PTPRD: variants seen among roughly 807,000 people sequenced by gnomAD.
PTPRD encodes protein tyrosine phosphatase receptor type D, also known as receptor-type tyrosine-protein phosphatase delta.
PTPRD carries 34 observed loss-of-function variants against 214.5 expected under a neutral mutation model. That is an observed-to-expected ratio of 0.16 (90% CI 0.12 to 0.21). The LOEUF (loss-of-function observed/expected upper bound fraction) is 0.21. Among genes scored for constraint, PTPRD ranks in the 10% least tolerant of loss-of-function variants. The pLI is 1.00. For synonymous variants in PTPRD, 1,128 were observed against 845.7 expected (o/e 1.33, Z -5.79); for missense variants, 2,545 against 2,398.7 (o/e 1.06, Z -1.27).
rs562214485 is a variant in PTPRD, at chr9:9,796,618, C to G, written c.-367-29767G>C. Among the ~76,000 whole-genome samples, 8 of 151,854 alleles carry G rather than the reference C, an allele frequency of 5.3e-5. No individual in the cohort carries two copies. In the South Asian group the frequency reaches 1.7e-3, roughly 32 times the overall value. On this transcript the variant is annotated intron_variant, in intron 5 of 45. Transcript: ENST00000381196. ...TAAATGTGTGGAGTAAAATGAGGAA[C>G]CAAAGCACATAAAAGAAGAAAAAAC...
In PTPRD at chr9:8,834,688, G is replaced by A. The variant is rs117291959; in HGVS notation, c.-103-100742C>T. Among the ~76,000 whole-genome samples, 3 of 152,302 alleles carry A rather than the reference G, an allele frequency of 2.0e-5. No individual in the cohort carries two copies. The East Asian group carries it at 5.8e-4, about 29-fold the overall frequency. On this transcript the variant is annotated intron_variant, in intron 11 of 45. Coordinates refer to ENST00000381196, the MANE Select transcript of PTPRD (RefSeq NM_002839.4). The stretch of plus-strand genomic sequence containing the variant: ...TTCCTATTTCAGAGACAAAGAAAGT[G>A]AGGATCAAGGAGACCACACATCAGG...
At chr9:10,561,644 T>C (rs982414630) in intron 2 of PTPRD, among the ~76,000 whole-genome samples, 2 of 152,112 alleles carry the variant, frequency 1.3e-5, no homozygotes, top group African/African-American at 2.4e-5. Context: ...CAAAGTGCAA[T>C]AGACAGAGAA....
chr9:9,210,066 C>G (rs767937950), intron 9 of PTPRD, among the ~76,000 whole-genome samples: 30 of 152,134 alleles, frequency 2.0e-4, no homozygotes, highest in Non-Finnish European at 2.2e-4. Context: ...TTTGCCCCAG[C>G]GGAAAATGTT....
chr9:8,927,254 G>C (rs1240597159), intron 11 of PTPRD, among the ~76,000 whole-genome samples: 1 of 151,686 alleles, frequency 6.6e-6, no homozygotes, highest in Non-Finnish European at 1.5e-5. Flanking sequence ...TTAAGTTCTG[G>C]GATACATGTG....
chr9:9,916,174 A>G (rs1384667751), intron 5 of PTPRD, among the ~76,000 whole-genome samples: 1 of 152,030 alleles, frequency 6.6e-6, no homozygotes, highest in Non-Finnish European at 1.5e-5. Context: ...TTTCTCAGAC[A>G]AGCAAAACTA....
At chr9:8,659,179 C>T (rs759653561) in intron 12 of PTPRD, among the ~76,000 whole-genome samples, 1 of 152,134 alleles carries the variant, frequency 6.6e-6, no homozygotes, top group Non-Finnish European at 1.5e-5. Flanking sequence ...AGATGCATAT[C>T]CACATTTTTG....
At chr9:9,836,476 C>G (rs181815990) in intron 5 of PTPRD, among the ~76,000 whole-genome samples, 17 of 152,238 alleles carry the variant, frequency 1.1e-4, no homozygotes, top group Admixed American at 1.0e-3. Context: ...CTTACCAAAT[C>G]TCGCCTGACT....
chr9:9,554,767 G>A (rs1236088162), intron 8 of PTPRD, among the ~76,000 whole-genome samples: 4 of 151,988 alleles, frequency 2.6e-5, no homozygotes, highest in Admixed American at 6.6e-5. Flanking sequence ...TCTTAACTAC[G>A]CAGGAAACTT....
chr9:10,165,588 A>C (rs1441226373), intron 3 of PTPRD, among the ~76,000 whole-genome samples: 1 of 151,812 alleles, frequency 6.6e-6, no homozygotes, highest in African/African-American at 2.4e-5. Context: ...AAATAGTAAA[A>C]TATTAATGTT....
chr9:10,232,023 T>TGC (rs2099613161), intron 3 of PTPRD, among the ~76,000 whole-genome samples: 1 of 150,026 alleles, frequency 6.7e-6, no homozygotes, highest in Non-Finnish European at 1.5e-5. Context: ...TGTGTGTGTG[T>TGC]GTGTGAGGTG....
chr9:8,769,966 G>A (rs2095071778), intron 11 of PTPRD, among the ~76,000 whole-genome samples: 1 of 152,154 alleles, frequency 6.6e-6, no homozygotes, highest in Admixed American at 6.5e-5. Flanking sequence ...TGCTAAGACA[G>A]CTATGAGTGA....
intron 2 of PTPRD, among the ~76,000 whole-genome samples, chr9:10,567,040 C>T (rs1474792182): frequency 2.6e-5 from 4 of 152,044 alleles, no homozygotes; most frequent in East Asian, 1.9e-4. Context: ...CCCTATGGTA[C>T]GTGACTCTCC....
At chr9:9,517,712 C>G (rs995802618) in intron 8 of PTPRD, among the ~76,000 whole-genome samples, 2 of 151,924 alleles carry the variant, frequency 1.3e-5, no homozygotes, top group African/African-American at 2.4e-5. Flanking sequence ...ATTTCTTTTT[C>G]TCTTGGAATT....
chr9:8,652,888 G>C (rs1360975413), intron 12 of PTPRD, among the ~76,000 whole-genome samples: 2 of 152,210 alleles, frequency 1.3e-5, no homozygotes, highest in Non-Finnish European at 2.9e-5. Flanking sequence ...GGGGTCTGCA[G>C]GTTATTGTGA....
chr9:9,884,006 T>C (rs548837219), intron 5 of PTPRD, among the ~76,000 whole-genome samples: 4 of 152,262 alleles, frequency 2.6e-5, no homozygotes, highest in Non-Finnish European at 2.9e-5. Context: ...CTTTGTTTTA[T>C]CCCTTAGTAC....
intron 8 of PTPRD, among the ~76,000 whole-genome samples, chr9:9,533,062 T>C (rs2038963): frequency 0.18 from 27,342 of 152,096 alleles, 2,707 homozygotes; most frequent in Middle Eastern, 0.22. Flanking sequence ...AACTCTGGCA[T>C]GTGTATATAA....
At position 9,400,980 on chromosome 9, in the gene PTPRD, T is replaced by C. The variant is rs146625529; in HGVS notation, c.-236-3498A>G. ...TTGAATGCAGGAACAGAATACTAAG[T>C]TGGATATTGTCCCAATATTGTGATC... On this transcript the variant is annotated intron_variant, in intron 8 of 45. Coordinates refer to ENST00000381196, the MANE Select transcript of PTPRD (RefSeq NM_002839.4). Among the ~76,000 whole-genome samples the C allele has an allele frequency of 2.1e-3, 316 of 152,148 alleles. 1 individual carries two copies. Among genetic ancestry groups the C allele is most frequent in the African/African-American group, 7.3e-3 (302 of 41,544 alleles).
At chr9:8,711,781 T>G (rs903974433) in intron 12 of PTPRD, among the ~76,000 whole-genome samples, 1 of 152,206 alleles carries the variant, frequency 6.6e-6, no homozygotes, top group Non-Finnish European at 1.5e-5. Context: ...TCCCAGCCCA[T>G]AAATGTTTAT....
At position 10,543,924 on chromosome 9, in the gene PTPRD, G is replaced by A. The variant is rs561873692; in HGVS notation, c.-600+68474C>T. 6.6e-4 allele frequency among the ~76,000 whole-genome samples: 101 copies of A among 152,274 alleles called. 2 individuals are homozygous for A. The highest frequency in any genetic ancestry group is 4.1e-3 in the Admixed American group (62 of 15,294). On this transcript the variant is annotated intron_variant, in intron 2 of 45. Coordinates refer to ENST00000381196, the MANE Select transcript of PTPRD (RefSeq NM_002839.4). ...CTGCTTGTGATAGAAAAGATCCAATGTGGAGCCTGATTGAAGGTAGAGGAG... is the reference window on the plus strand; with the variant it reads ...CTGCTTGTGATAGAAAAGATCCAATATGGAGCCTGATTGAAGGTAGAGGAG...
Sources: gnomAD v4.1 joint callset for allele counts (sites outside exome capture counted in the v4.1 genomes callset) on GRCh38, gnomAD v4.1.1 for gene constraint, MANE v1.5 for transcripts, NCBI Gene and HGNC (gene_info 2026-07-23, HGNC 2026-07-21) for gene names.